The following EPHA5 variants were observed in gnomAD, a reference collection of about 807,000 sequenced individuals.
EPHA5 encodes EPH receptor A5.
In EPHA5, 60 loss-of-function variants were observed where a neutral mutation model predicts 105.0. That is an observed-to-expected ratio of 0.57 (90% confidence interval 0.46 to 0.71). EPHA5 has a LOEUF of 0.71. Ranked by LOEUF, EPHA5 falls within the 30% of genes least tolerant of loss-of-function variation. The pLI is 0.00. For missense variants in EPHA5, 1,218 were observed against 1,274.7 expected, an observed-to-expected ratio of 0.96 and a Z score of 0.68; for synonymous variants, 513 against 449.1, an observed-to-expected ratio of 1.14 and a Z score of -1.80.
chr4:65,576,000 G>GAGAGAGAA (rs1553943368), intron 3 of EPHA5, among the ~76,000 whole-genome samples: 1 of 29,722 alleles, frequency 3.4e-5, no homozygotes, highest in Non-Finnish European at 6.6e-5. Flanking sequence ...GAGAGAGAGA[G>GAGAGAGAA]AGAAAGAAAG....
intron 14 of EPHA5, among the ~76,000 whole-genome samples, chr4:65,340,982 C>A (rs894058389): frequency 6.6e-6 from 1 of 152,098 alleles, no homozygotes; most frequent in Non-Finnish European, 1.5e-5. Flanking sequence ...AACCAATCAT[C>A]CTTCCTTCCT....
At chr4:65,660,860 A>G (rs1188322788) in intron 1 of EPHA5, among the ~76,000 whole-genome samples, 1 of 152,106 alleles carries the variant, frequency 6.6e-6, no homozygotes, top group East Asian at 1.9e-4. Flanking sequence ...TTAAACTTGC[A>G]AAGTAGAATA....
intron 3 of EPHA5, among the ~76,000 whole-genome samples, chr4:65,588,213 C>G (rs892958998): frequency 1.3e-5 from 2 of 152,096 alleles, no homozygotes; most frequent in African/African-American, 4.8e-5. Context: ...CAGCTTTTTG[C>G]AAATGTGTCA....
intron 13 of EPHA5, among the ~76,000 whole-genome samples, chr4:65,349,389 C>T (rs987173723): frequency 7.9e-5 from 12 of 151,952 alleles, no homozygotes; most frequent in Non-Finnish European, 1.5e-4. Flanking sequence ...TTATAATATG[C>T]CTCTTTCAGG....
chr4:65,492,806 G>A (rs1223117684), intron 4 of EPHA5, among the ~76,000 whole-genome samples: 2 of 152,196 alleles, frequency 1.3e-5, no homozygotes, highest in South Asian at 2.1e-4. Flanking sequence ...TATATACCCA[G>A]TAATGGGATT....
intron 5 of EPHA5, among the ~76,000 whole-genome samples, chr4:65,488,839 C>T (rs1483017841): frequency 3.3e-5 from 5 of 150,238 alleles, no homozygotes; most frequent in African/African-American, 1.2e-4. Flanking sequence ...TTTCCGTCAG[C>T]TTTATCAATC....
At chr4:65,665,894 T>G (rs1749926171) in intron 1 of EPHA5, among the ~76,000 whole-genome samples, 2 of 152,206 alleles carry the variant, frequency 1.3e-5, no homozygotes, top group Non-Finnish European at 2.9e-5. Flanking sequence ...AGCTCTCTTT[T>G]CTTGTTCAGT....
chr4:65,503,944 C>CACACAT (rs1553928000), intron 3 of EPHA5, among the ~76,000 whole-genome samples: 1 of 141,154 alleles, frequency 7.1e-6, no homozygotes, highest in Non-Finnish European at 1.6e-5. Context: ...CACACACACA[C>CACACAT]ATATATTTAA....
At chr4:65,505,881 G>A (rs913497570) in intron 3 of EPHA5, among the ~76,000 whole-genome samples, 10 of 152,010 alleles carry the variant, frequency 6.6e-5, no homozygotes, top group Non-Finnish European at 1.3e-4. Context: ...TTAAGTTTTA[G>A]GGTACATGTG....
chr4:65,326,045 T>C (rs560811189), intron 16 of EPHA5, among the ~76,000 whole-genome samples: 1 of 148,126 alleles, frequency 6.8e-6, no homozygotes, highest in African/African-American at 2.5e-5. Flanking sequence ...TATATATGTA[T>C]ATATATGTAT....
chr4:65,341,625 T>TA (rs1721733588), intron 14 of EPHA5, among the ~76,000 whole-genome samples: 1 of 150,850 alleles, frequency 6.6e-6, no homozygotes, highest in Non-Finnish European at 1.5e-5. Context: ...ATATGTTATA[T>TA]ATCTCTCTCT....
chr4:65,564,750 A>G (rs531139167), intron 3 of EPHA5, among the ~76,000 whole-genome samples: 2 of 151,940 alleles, frequency 1.3e-5, no homozygotes, highest in South Asian at 4.1e-4. Flanking sequence ...AAGTATTACT[A>G]GAATTAAGCA....
At chr4:65,331,809 A>C in intron 16 of EPHA5, 164 bp downstream of exon 16, 1 of 1,300,816 alleles carries the variant, frequency 7.7e-7, no homozygotes, top group Non-Finnish European at 9.7e-7. Context: ...TGTAGCATTA[A>C]CCATGCAGTT....
chr4:65,405,318 T>C (rs1335192979), intron 7 of EPHA5, among the ~76,000 whole-genome samples: 2 of 152,204 alleles, frequency 1.3e-5, no homozygotes, highest in Non-Finnish European at 2.9e-5. Context: ...CTAATGTTCA[T>C]GAGAATCTCT....
intron 1 of EPHA5, among the ~76,000 whole-genome samples, chr4:65,654,757 A>AATT (rs1325260385): frequency 1.1e-3 from 162 of 147,188 alleles, no homozygotes; most frequent in African/African-American, 3.7e-3. Context: ...TATCTATCTA[A>AATT]ATTATAATGT....
intron 1 of EPHA5, 147 bp from the exon 2 acceptor site, chr4:65,643,574 AG>A: frequency 1.9e-6 from 1 of 529,632 alleles, no homozygotes. Flanking sequence ...TATAATTTAA[AG>A]AAAATATATT....
At chr4:65,496,741 A>G (rs1731983044) in intron 3 of EPHA5, among the ~76,000 whole-genome samples, 1 of 152,082 alleles carries the variant, frequency 6.6e-6, no homozygotes, top group African/African-American at 2.4e-5. Flanking sequence ...TTGGGTACAT[A>G]CCCAGTAATG....
At chr4:65,669,422 G>A (rs1750257577) in intron 1 of EPHA5, 140 bp downstream of exon 1, 18 of 1,243,416 alleles carry the variant, frequency 1.4e-5, no homozygotes, top group Non-Finnish European at 1.7e-5. Context: ...GCCAGTGGAA[G>A]GGGACGACAA....
chr4:65,602,444 T>G, intron 2 of EPHA5, 140 bp from the exon 3 acceptor site: 1 of 613,130 alleles, frequency 1.6e-6, no homozygotes, highest in Non-Finnish European at 2.6e-6. Context: ...CAGAAGGAAC[T>G]AGATATAAAG....
Sources: gnomAD v4.1 joint callset for allele counts (sites outside exome capture counted in the v4.1 genomes callset) on GRCh38, gnomAD v4.1.1 for gene constraint, MANE v1.5 for transcripts, NCBI Gene and HGNC (gene_info 2026-07-23, HGNC 2026-07-21) for gene names.